Variants in OLFM3 observed in about 807,000 individuals in gnomAD.
The protein encoded by OLFM3 is olfactomedin 3.
In OLFM3, 20 loss-of-function variants were observed where a neutral mutation model predicts 48.6. That is an observed-to-expected ratio of 0.41 (90% CI 0.29 to 0.60). The LOEUF is 0.60. Ranked by LOEUF, OLFM3 falls within the 20% of genes least tolerant of loss-of-function variation. The pLI is 0.28. For synonymous variants in OLFM3, 222 were observed against 198.1 expected (o/e 1.12, Z -1.01); for missense variants, 437 against 544.3 (o/e 0.80, Z 1.96).
chr1:101,842,564 A>C (rs1035637465), intron 1 of OLFM3, among the ~76,000 whole-genome samples: 4 of 152,102 alleles, frequency 2.6e-5, no homozygotes, highest in Admixed American at 6.5e-5. Context: ...ATAATAATAA[A>C]TTTAGGTTGG....
rs1454091815 is a variant in OLFM3, at chr1:101,830,698, T to G, written c.346A>C (p.Lys116Gln). The G allele has an allele frequency of 6.2e-7, 1 of 1,614,206 alleles. No individual in the cohort carries two copies. Residue 116 changes from lysine (K) to glutamine (Q), a missense_variant, in exon 3 of 6, where the codon AAG (lysine) becomes CAG (glutamine). By Grantham distance (53) the Lys-to-Gln change is moderately conservative (BLOSUM62 1). Transcript: ENST00000370103. ...AKFRQIEDDR[K>Q]TLMTKHFQEL... ...TGAAAATGCTTGGTCATAAGTGTCT[T>G]TCGATCATCTTCAATCTGCCGAAAT...
intron 4 of OLFM3, among the ~76,000 whole-genome samples, chr1:101,817,411 C>G (rs1290828874): frequency 6.6e-6 from 1 of 152,070 alleles, no homozygotes; most frequent in African/African-American, 2.4e-5. Context: ...ATACATCTTA[C>G]CAAATGCAGT....
intron 1 of OLFM3, among the ~76,000 whole-genome samples, chr1:101,989,598 C>G (rs183151459): frequency 2.0e-5 from 3 of 151,170 alleles, no homozygotes; most frequent in South Asian, 4.2e-4. Flanking sequence ...TTTTTTTTTA[C>G]CCTTCATATT....
At chr1:101,915,351 G>T (rs940508588) in intron 1 of OLFM3, among the ~76,000 whole-genome samples, 7 of 148,470 alleles carry the variant, frequency 4.7e-5, no homozygotes, top group African/African-American at 1.8e-4. Context: ...AATCCTCTTG[G>T]GATTTAATCT....
chr1:101,815,452 A>G (rs1251125402), intron 4 of OLFM3, among the ~76,000 whole-genome samples: 1 of 107,962 alleles, frequency 9.3e-6, no homozygotes, highest in African/African-American at 3.6e-5. Context: ...GTCTCAAAAA[A>G]AGAAAAAAAA....
chr1:101,976,482 A>T (rs999226592), intron 1 of OLFM3, among the ~76,000 whole-genome samples: 1 of 152,214 alleles, frequency 6.6e-6, no homozygotes, highest in Non-Finnish European at 1.5e-5. Context: ...AAATACTAAT[A>T]CAATAATAGA....
At chr1:101,946,909 G>A (rs536156814) in intron 1 of OLFM3, among the ~76,000 whole-genome samples, 4 of 152,258 alleles carry the variant, frequency 2.6e-5, no homozygotes, top group African/African-American at 9.6e-5. Flanking sequence ...TAAAAATGCA[G>A]TTATTCTGTT....
At chr1:101,809,869 T>G (rs572827870) in intron 4 of OLFM3, among the ~76,000 whole-genome samples, 2 of 152,034 alleles carry the variant, frequency 1.3e-5, no homozygotes, top group African/African-American at 4.8e-5. Flanking sequence ...ACCACTTAGC[T>G]CCCAAGGAAC....
intron 1 of OLFM3, among the ~76,000 whole-genome samples, chr1:101,994,608 A>G (rs1661507074): frequency 2.7e-5 from 4 of 148,518 alleles, no homozygotes; most frequent in Non-Finnish European, 4.5e-5. Flanking sequence ...TTATATAAAT[A>G]TAAATATATA....
chr1:101,889,617 G>T (rs1401568673), intron 1 of OLFM3, among the ~76,000 whole-genome samples: 1 of 151,832 alleles, frequency 6.6e-6, no homozygotes, highest in African/African-American at 2.4e-5. Context: ...AAACCTACAC[G>T]TTGTGCACAT....
chr1:101,944,260 A>G (rs1312374337), intron 1 of OLFM3, among the ~76,000 whole-genome samples: 1 of 152,138 alleles, frequency 6.6e-6, no homozygotes, highest in Non-Finnish European at 1.5e-5. Flanking sequence ...ATTAAGGTCA[A>G]GTTACCACAG....
rs1162215495 is a variant in OLFM3 at position 101,804,934 on chromosome 1, AT to A, written c.700-20del. The A allele has an allele frequency of 1.3e-6, 2 of 1,569,452 alleles. No homozygotes were observed. Among genetic ancestry groups the A allele is most frequent in the Admixed American group, 3.5e-5 (2 of 56,960 alleles). ...ACCAGACCTGAGAAGAAGGAAAAAA[AT>A]AAATGGAGTGACTAAATTCTGTACT... is the stretch of plus-strand genomic sequence containing the variant. On this transcript the variant is annotated intron_variant, in intron 5 of 5. Coordinates refer to ENST00000370103, the MANE Select transcript of OLFM3 (RefSeq NM_058170.4). The surrounding 1 kb of genome is among the most constrained non-coding windows in gnomAD (Gnocchi z 4.5).
chr1:101,813,547 C>T (rs999215083), intron 4 of OLFM3, among the ~76,000 whole-genome samples: 23 of 152,104 alleles, frequency 1.5e-4, no homozygotes, highest in African/African-American at 5.3e-4. Flanking sequence ...TCTGTCTGTA[C>T]GATGGAAACT....
chr1:101,981,990 A>G (rs1184079184), intron 1 of OLFM3, among the ~76,000 whole-genome samples: 2 of 152,304 alleles, frequency 1.3e-5, no homozygotes, highest in East Asian at 3.9e-4. Flanking sequence ...CCCAAGATGA[A>G]TAAACATTGA....
chr1:101,909,126 C>T (rs1195367314), intron 1 of OLFM3, among the ~76,000 whole-genome samples: 1 of 152,184 alleles, frequency 6.6e-6, no homozygotes, highest in African/African-American at 2.4e-5. Flanking sequence ...ATACATTTCT[C>T]ACTCTGCCCT....
intron 4 of OLFM3, among the ~76,000 whole-genome samples, chr1:101,821,465 T>C (rs1654604454): frequency 1.3e-5 from 2 of 152,056 alleles, no homozygotes; most frequent in Non-Finnish European, 2.9e-5. Flanking sequence ...ACCATGTGGC[T>C]TTATACTTCA....
chr1:101,862,263 T>C (rs1291499461), intron 1 of OLFM3, among the ~76,000 whole-genome samples: 2 of 152,208 alleles, frequency 1.3e-5, no homozygotes, highest in African/African-American at 4.8e-5. Context: ...TTTTTACTGA[T>C]CTGATTTCAA....
At chr1:101,948,876 T>G (rs892384577) in intron 1 of OLFM3, among the ~76,000 whole-genome samples, 6 of 147,862 alleles carry the variant, frequency 4.1e-5, no homozygotes, top group East Asian at 3.9e-4. Flanking sequence ...TTATATATTT[T>G]TTATTGTTAT....
intron 4 of OLFM3, among the ~76,000 whole-genome samples, chr1:101,817,255 G>A (rs1395744263): frequency 6.6e-6 from 1 of 152,102 alleles, no homozygotes; most frequent in East Asian, 1.9e-4. Context: ...TTCCTGCAAA[G>A]GTGGATGGCA....
Sources: allele counts gnomAD v4.1 joint callset (sites outside exome capture counted in the v4.1 genomes callset), GRCh38; gene constraint gnomAD v4.1.1; non-coding constraint Gnocchi (gnomAD v3.1); transcripts MANE v1.5; gene names NCBI Gene and HGNC (gene_info 2026-07-23, HGNC 2026-07-21).